Variants in ZNF469 observed in about 807,000 individuals in gnomAD.
ZNF469 encodes zinc finger protein 469.
A neutral mutation model predicts 1.0 loss-of-function variants in ZNF469; 1 was observed. That is an observed-to-expected ratio of 1.00 (90% confidence interval 0.35 to 4.73). ZNF469 has a LOEUF of 4.73. ZNF469 is among the 30% of genes most tolerant of loss of function. The pLI is 0.16. For synonymous variants in ZNF469, 2,703 were observed against 2,363.4 expected, an observed-to-expected ratio of 1.14 and a Z score of -4.17; for missense variants, 6,100 against 5,356.3, an observed-to-expected ratio of 1.14 and a Z score of -4.33.
chr16:88,425,594 A>C (rs1213378951), intron 2 of ZNF469, among the ~76,000 whole-genome samples: 1 of 152,088 alleles, frequency 6.6e-6, no homozygotes, highest in Non-Finnish European at 1.5e-5. Flanking sequence ...CTCACCCATA[A>C]ATTCAGGGCG....
In ZNF469 at chr16:88,435,615, T is replaced by TGCA; in HGVS notation, c.8147_8149dup (p.Ala2716dup). 1 of 1,550,304 alleles carries TGCA rather than the reference T, an allele frequency of 6.5e-7. No individual in the cohort carries two copies. Among genetic ancestry groups the TGCA allele is most frequent in the Non-Finnish European group, 8.7e-7 (1 of 1,146,970 alleles). ...CGGAGACTGACCAGGAGGCTCTGTG[T>TGCA]GCAGGGGAGACTGGGGCCCAGAAGC... On this transcript the variant is annotated inframe_insertion, in exon 3 of 3. Coordinates refer to ENST00000565624, the MANE Select transcript of ZNF469 (RefSeq NM_001367624.2).
chr16:88,124,966 A>G, the ZNF469 span, among the ~76,000 whole-genome samples: 1 of 152,212 alleles, frequency 6.6e-6, no homozygotes, highest in African/African-American at 2.4e-5. Context: ...TGTCTATCTC[A>G]GGGTCATGAA....
chr16:88,194,120 C>G, the ZNF469 span, among the ~76,000 whole-genome samples: 1 of 152,208 alleles, frequency 6.6e-6, no homozygotes, highest in African/African-American at 2.4e-5. Flanking sequence ...ATTCCCCCCT[C>G]CGCCACACAA....
At chr16:88,127,205 C>T in the ZNF469 span, among the ~76,000 whole-genome samples, 3 of 151,986 alleles carry the variant, frequency 2.0e-5, no homozygotes, top group Admixed American at 6.6e-5. Context: ...TCTGCTGTTG[C>T]CTGCAGGTTC....
the ZNF469 span, among the ~76,000 whole-genome samples, chr16:88,364,701 C>G: frequency 4.6e-5 from 7 of 152,160 alleles, no homozygotes; most frequent in Admixed American, 4.6e-4. Context: ...CAGTGAGTCA[C>G]GCCAGTAATC....
the ZNF469 span, among the ~76,000 whole-genome samples, chr16:88,261,458 G>C: frequency 3.9e-5 from 6 of 152,148 alleles, no homozygotes; most frequent in Non-Finnish European, 7.4e-5. This position sits in a 1 kb window ranked among gnomAD's most constrained non-coding sequence, Gnocchi z 6.0. Flanking sequence ...TGCCAGAGGC[G>C]GGGGACTTGT....
the ZNF469 span, among the ~76,000 whole-genome samples, chr16:88,106,449 A>T: frequency 7.0e-6 from 1 of 143,240 alleles, no homozygotes; most frequent in Non-Finnish European, 1.5e-5. Flanking sequence ...GTGTCACCTT[A>T]TTTATTTTTG....
chr16:88,251,125 GC>G, the ZNF469 span, among the ~76,000 whole-genome samples: 1 of 152,138 alleles, frequency 6.6e-6, no homozygotes, highest in African/African-American at 2.4e-5. Flanking sequence ...TGATCCACCC[GC>G]CTCAGCCTCC....
chr16:88,128,499 A>G, the ZNF469 span, among the ~76,000 whole-genome samples: 1 of 152,170 alleles, frequency 6.6e-6, no homozygotes, highest in African/African-American at 2.4e-5. Context: ...TGTGGTTCAG[A>G]ACACTTTACA....
At chr16:88,105,751 G>A in the ZNF469 span, among the ~76,000 whole-genome samples, 4 of 152,194 alleles carry the variant, frequency 2.6e-5, no homozygotes, top group South Asian at 2.1e-4. Context: ...GTGGGAGCTC[G>A]GTAGTTGATT....
chr16:88,143,540 C>T, the ZNF469 span, among the ~76,000 whole-genome samples: 3 of 152,290 alleles, frequency 2.0e-5, no homozygotes, highest in South Asian at 2.1e-4. Flanking sequence ...CTCTGCTCCC[C>T]CCATGCGTGG....
the ZNF469 span, among the ~76,000 whole-genome samples, chr16:88,198,914 G>C: frequency 6.6e-6 from 1 of 152,250 alleles, no homozygotes; most frequent in Non-Finnish European, 1.5e-5. Flanking sequence ...GCCACCCGAG[G>C]CGAGGGCCCC....
chr16:88,128,743 T>G, the ZNF469 span, among the ~76,000 whole-genome samples: 1 of 152,216 alleles, frequency 6.6e-6, no homozygotes, highest in African/African-American at 2.4e-5. Flanking sequence ...GGGCAAGAGC[T>G]GGGGCCCTCC....
the ZNF469 span, among the ~76,000 whole-genome samples, chr16:88,220,074 A>G: frequency 2.0e-5 from 3 of 152,206 alleles, no homozygotes. Context: ...GATGCCTTCC[A>G]AAGACAATTT....
chr16:88,312,357 C>A, the ZNF469 span, among the ~76,000 whole-genome samples: 1 of 152,230 alleles, frequency 6.6e-6, no homozygotes, highest in Non-Finnish European at 1.5e-5. Flanking sequence ...TACCTTCTTG[C>A]ACCAGCTTCT....
the ZNF469 span, among the ~76,000 whole-genome samples, chr16:88,188,386 A>T: frequency 6.6e-6 from 1 of 152,138 alleles, no homozygotes; most frequent in African/African-American, 2.4e-5. Flanking sequence ...TCGTACTGTC[A>T]TCCTGGGGGC....
At chr16:88,231,805 C>T in the ZNF469 span, among the ~76,000 whole-genome samples, 1 of 152,212 alleles carries the variant, frequency 6.6e-6, no homozygotes, top group Non-Finnish European at 1.5e-5. This position sits in a 1 kb window ranked among gnomAD's most constrained non-coding sequence, Gnocchi z 4.5. Flanking sequence ...CTCACCTGCT[C>T]AGTCACGTCT....
the ZNF469 span, among the ~76,000 whole-genome samples, chr16:88,161,816 C>G: frequency 6.6e-6 from 1 of 152,208 alleles, no homozygotes; most frequent in Admixed American, 6.5e-5. Flanking sequence ...GCTTGCGTGG[C>G]TCGTGGACTT....
At chr16:88,296,586 GCA>G in the ZNF469 span, among the ~76,000 whole-genome samples, 19 of 150,324 alleles carry the variant, frequency 1.3e-4, no homozygotes, top group East Asian at 2.0e-4. Context: ...GTGCGCATAT[GCA>G]CACACATGCA....
Sources: gnomAD v4.1 joint callset for allele counts (sites outside exome capture counted in the v4.1 genomes callset) on GRCh38, gnomAD v4.1.1 for gene constraint, Gnocchi (gnomAD v3.1) non-coding constraint, MANE v1.5 for transcripts, NCBI Gene and HGNC (gene_info 2026-07-23, HGNC 2026-07-21) for gene names.